The following CACNA1E variants were observed in gnomAD, a reference collection of about 807,000 sequenced individuals.
CACNA1E encodes the protein calcium voltage-gated channel subunit alpha1 E, also known as voltage-dependent R-type calcium channel subunit alpha-1E.
In CACNA1E, 40 loss-of-function variants were observed where a neutral mutation model predicts 259.2. The ratio of observed to expected loss-of-function variants is 0.15; its 90% CI spans 0.12 to 0.20. CACNA1E has a LOEUF of 0.20. CACNA1E is among the 10% of genes least tolerant of loss of function. The pLI, the probability that CACNA1E is intolerant of heterozygous loss-of-function variation, is 1.00. For missense variants in CACNA1E, 1,874 were observed against 3,040.1 expected (o/e 0.62, Z 9.02); for synonymous variants, 1,104 against 1,138.5 (o/e 0.97, Z 0.61).
chr1:181,351,112 C>T (rs1261525980), intron 1 of CACNA1E, among the ~76,000 whole-genome samples: 1 of 152,186 alleles, frequency 6.6e-6, no homozygotes. Flanking sequence ...AGGAGCCAGC[C>T]ATGTGAAGAG....
intron 3 of CACNA1E, among the ~76,000 whole-genome samples, chr1:181,551,035 G>A (rs183315841): frequency 2.2e-4 from 33 of 152,296 alleles, no homozygotes; most frequent in Admixed American, 1.4e-3. Context: ...GAGGGGTGGG[G>A]AAGAAACGGG....
intron 6 of CACNA1E, among the ~76,000 whole-genome samples, chr1:181,637,436 C>CTCCCTCCTTCCCTCCT (rs1657337664): frequency 1.6e-4 from 1 of 6,104 alleles, no homozygotes; most frequent in Non-Finnish European, 4.1e-4. Context: ...CCCTCCTTCC[C>CTCCCTCCTTCCCTCCT]TCCCTCCCTC....
intron 1 of CACNA1E, among the ~76,000 whole-genome samples, chr1:181,390,313 A>C (rs1656168296): frequency 7.6e-6 from 1 of 131,666 alleles, no homozygotes; most frequent in African/African-American, 3.0e-5. Context: ...TTATTTATTT[A>C]TTTATTTATT....
At chr1:181,551,351 A>G (rs1648127609) in intron 3 of CACNA1E, among the ~76,000 whole-genome samples, 1 of 152,066 alleles carries the variant, frequency 6.6e-6, no homozygotes, top group Non-Finnish European at 1.5e-5. Context: ...TGCCATGGTG[A>G]TGGTGGGTGG....
At chr1:181,391,981 T>TGTGTGTG in intron 1 of CACNA1E, among the ~76,000 whole-genome samples, 1 of 141,620 alleles carries the variant, frequency 7.1e-6, no homozygotes, top group African/African-American at 2.6e-5. Context: ...GTGTGTGTGT[T>TGTGTGTG]TAGTGGAAGG....
intron 25 of CACNA1E, among the ~76,000 whole-genome samples, chr1:181,747,263 A>G (rs1341251922): frequency 2.6e-5 from 4 of 152,222 alleles, no homozygotes; most frequent in African/African-American, 4.8e-5. Context: ...CTCTGCCCTC[A>G]TGGGAGGAGA....
chr1:181,489,297 A>G (rs1168403175), intron 1 of CACNA1E, among the ~76,000 whole-genome samples: 3 of 151,730 alleles, frequency 2.0e-5, no homozygotes, highest in African/African-American at 7.3e-5. Flanking sequence ...ATCTTTCTAT[A>G]TTTCTCCCTC....
At chr1:181,450,440 GTGTGTA>G (rs1661085485) in intron 2 of CACNA1E, among the ~76,000 whole-genome samples, 3 of 114,508 alleles carry the variant, frequency 2.6e-5, no homozygotes, top group Non-Finnish European at 3.6e-5. Context: ...GTGTGTGTGT[GTGTGTA>G]TGTGTGTGTG....
At chr1:181,528,967 A>T (rs1207350351) in intron 3 of CACNA1E, among the ~76,000 whole-genome samples, 3 of 152,268 alleles carry the variant, frequency 2.0e-5, no homozygotes, top group Non-Finnish European at 4.4e-5. Flanking sequence ...CATAAGTAGC[A>T]AGGAGCCTAA....
intron 7 of CACNA1E, among the ~76,000 whole-genome samples, chr1:181,701,452 G>C (rs974079443): frequency 3.3e-5 from 5 of 152,152 alleles, no homozygotes; most frequent in African/African-American, 1.2e-4. Flanking sequence ...GCACCACGGG[G>C]CTTTGAACCC....
chr1:181,547,219 T>C (rs905632255), intron 3 of CACNA1E, among the ~76,000 whole-genome samples: 6 of 152,226 alleles, frequency 3.9e-5, no homozygotes, highest in African/African-American at 1.4e-4. Flanking sequence ...ACTCCAGCAG[T>C]GCTCATGCCT....
chr1:181,560,389 CT>C (rs200355823), intron 3 of CACNA1E, among the ~76,000 whole-genome samples: 1 of 151,760 alleles, frequency 6.6e-6, no homozygotes, highest in African/African-American at 2.4e-5. Context: ...TCCTTCTAGT[CT>C]TTTTTTTCCT....
intron 20 of CACNA1E, 29 bp from the exon 21 acceptor site, chr1:181,733,408 A>T (rs1655706445): frequency 1.3e-6 from 2 of 1,484,754 alleles, no homozygotes; most frequent in African/African-American, 1.4e-5. Flanking sequence ...GCGTCTGAGC[A>T]CCAGCTCTCT....
Position 181,785,769 on chromosome 1 carries a change from T to C in CACNA1E, c.5736T>C (p.Ile1912=). ...MEPSSLPQEI[I]ANAKALPYLQ... The stretch of plus-strand genomic sequence containing the variant: ...CTTCATCTCTGCCTCAGGAGATCAT[T>C]GCTAATGCCAAAGCCCTGCCTTACC... Residue 1912 remains isoleucine, a synonymous_variant, in exon 43 of 48, where the codon ATT becomes ATC. Transcript: ENST00000367573. 1 of 1,613,148 alleles carries C rather than the reference T, an allele frequency of 6.2e-7. No homozygotes were observed. Among genetic ancestry groups the C allele is most frequent in the Non-Finnish European group, 8.5e-7 (1 of 1,179,684 alleles).
At chr1:181,550,517 T>C (rs909131586) in intron 3 of CACNA1E, among the ~76,000 whole-genome samples, 3 of 151,378 alleles carry the variant, frequency 2.0e-5, no homozygotes, top group Admixed American at 2.0e-4. Context: ...ATGGAAAATA[T>C]GGAGGGCCTG....
chr1:181,381,021 C>G (rs1345831650), intron 1 of CACNA1E, among the ~76,000 whole-genome samples: 2 of 152,056 alleles, frequency 1.3e-5, no homozygotes, highest in Non-Finnish European at 2.9e-5. Context: ...CAAAAATTAG[C>G]TAGACATGGT....
At chr1:181,652,701 A>T (rs903804543) in intron 7 of CACNA1E, among the ~76,000 whole-genome samples, 1 of 152,126 alleles carries the variant, frequency 6.6e-6, no homozygotes, top group African/African-American at 2.4e-5. Flanking sequence ...CCTTGTAAGG[A>T]ACATTAGAAT....
chr1:181,771,252 C>A, intron 35 of CACNA1E, 41 bp from the exon 36 acceptor site: 1 of 1,137,898 alleles, frequency 8.8e-7, no homozygotes, highest in Non-Finnish European at 1.3e-6. Context: ...CATCACACAG[C>A]TTGGTAATGC....
At chr1:181,646,261 A>G (rs1448736306) in intron 6 of CACNA1E, among the ~76,000 whole-genome samples, 3 of 152,156 alleles carry the variant, frequency 2.0e-5, no homozygotes, top group Non-Finnish European at 4.4e-5. Context: ...GCAATTTTTG[A>G]TTGTTGCATC....
Sources: allele counts gnomAD v4.1 joint callset (sites outside exome capture counted in the v4.1 genomes callset), GRCh38; gene constraint gnomAD v4.1.1; transcripts MANE v1.5; gene names NCBI Gene and HGNC (gene_info 2026-07-23, HGNC 2026-07-21).